CDC42BPB: variants seen among roughly 807,000 people sequenced by gnomAD.
The protein encoded by CDC42BPB is serine/threonine-protein kinase MRCK beta.
In CDC42BPB, 37 loss-of-function variants were observed where a neutral mutation model predicts 214.9. That is an observed-to-expected ratio of 0.17 (90% CI 0.13 to 0.23). CDC42BPB has a LOEUF of 0.23. Ranked by LOEUF, CDC42BPB falls within the 10% of genes least tolerant of loss-of-function variation. CDC42BPB has a pLI of 1.00. For missense variants in CDC42BPB, 1,694 were observed against 2,227.0 expected, an observed-to-expected ratio of 0.76 and a Z score of 4.82; for synonymous variants, 931 against 884.0, an observed-to-expected ratio of 1.05 and a Z score of -0.94.
At chr14:102,937,661 C>G (rs17101079) in intron 36 of CDC42BPB, among the ~76,000 whole-genome samples, 24,792 of 152,296 alleles carry the variant, frequency 0.16, 4,394 homozygotes, top group African/African-American at 0.44. Flanking sequence ...CTGCGCACAA[C>G]AGTGGCGCTT....
intron 5 of CDC42BPB, among the ~76,000 whole-genome samples, chr14:102,996,162 A>G (rs1023142500): frequency 2.0e-4 from 30 of 151,954 alleles, no homozygotes; most frequent in African/African-American, 7.0e-4. Context: ...ACACGGTGAA[A>G]CCCCATCTCT....
intron 1 of CDC42BPB, among the ~76,000 whole-genome samples, chr14:103,024,912 G>A (rs1886966909): frequency 6.6e-6 from 1 of 152,088 alleles, no homozygotes; most frequent in Admixed American, 6.6e-5. Flanking sequence ...CTTGTTATTT[G>A]TCTTTACTCC....
intron 1 of CDC42BPB, among the ~76,000 whole-genome samples, chr14:103,052,964 G>C (rs970099125): frequency 6.6e-6 from 1 of 152,232 alleles, no homozygotes; most frequent in South Asian, 2.1e-4. Context: ...TGGGTTGTCC[G>C]TATTTGTTGC....
At position 102,947,793 on chromosome 14, in the gene CDC42BPB, C is replaced by T. The variant is rs1427575276; in HGVS notation, c.3459G>A (p.Glu1153=). ...AGGCCAGGACTGAGCTCACGGAAAA[C>T]TCGTCATCTCTGGTAAGGAAGAAAC... The part of the protein sequence containing the change: ...ASQVLDLRDD[E]FSVSSVLASD... The change falls in exon 27 of 37, where the codon GAG becomes GAA. Residue 1153 remains glutamate, a synonymous_variant. Transcript: ENST00000361246. 8.7e-6 allele frequency: 14 copies of T among 1,612,458 alleles called. No homozygotes were observed. Among genetic ancestry groups the T allele is most frequent in the Non-Finnish European group, 1.2e-5 (14 of 1,179,890 alleles).
At position 102,940,094 on chromosome 14, in the gene CDC42BPB, G is replaced by C; in HGVS notation, c.4543C>G (p.Leu1515Val). The C allele has an allele frequency of 8.1e-6, 13 of 1,613,984 alleles. No individual in the cohort carries two copies. The highest frequency in any genetic ancestry group is 1.3e-5 in the African/African-American group (1 of 75,066). ...ATCAAGCGTGGAGGCTCGCAGTTGA[G>C]GAGGTTGAGGGTGCCTTCAGAGTTC... Reference protein sequence around the residue: ...PLNSEGTLNLLNCEPPRLIYF... With the variant: ...PLNSEGTLNLVNCEPPRLIYF... The change falls in exon 32 of 37, where the codon CTC becomes GTC. Residue 1515 changes from leucine (L) to valine (V), a missense_variant. Physicochemically the swap from Leu to Val is conservative, Grantham distance 32 (BLOSUM62 1). Around this residue, in one of 7 missense-constraint regions of CDC42BPB, gnomAD observed 567 missense variants for 790.3 expected, o/e 0.72. Coordinates refer to ENST00000361246, the MANE Select transcript of CDC42BPB (RefSeq NM_006035.4).
At chr14:102,971,489 C>A (rs544571523) in intron 13 of CDC42BPB, among the ~76,000 whole-genome samples, 1 of 152,308 alleles carries the variant, frequency 6.6e-6, no homozygotes, top group East Asian at 1.9e-4. Context: ...AAGGGTTTTG[C>A]CATGTTGCTC....
At position 103,032,473 on chromosome 14, in the gene CDC42BPB, A is replaced by G. The variant is rs1277611547; in HGVS notation, c.176-20285T>C. On this transcript the variant is annotated intron_variant, in intron 1 of 36. Coordinates refer to ENST00000361246, the MANE Select transcript of CDC42BPB (RefSeq NM_006035.4). ...AAATTTGTCCAGCTAGGAAAACACTAGAAACCAGTTAAAACTTTTGAACAG... is the reference window on the plus strand; with the variant it reads ...AAATTTGTCCAGCTAGGAAAACACTGGAAACCAGTTAAAACTTTTGAACAG... 5.3e-5 allele frequency among the ~76,000 whole-genome samples: 8 copies of G among 151,436 alleles called. 1 individual carries two copies. Among genetic ancestry groups the G allele is most frequent in the Admixed American group, 5.3e-4 (8 of 15,180 alleles).
At position 103,001,603 on chromosome 14, in the gene CDC42BPB, C is replaced by A. The variant is rs534502739; in HGVS notation, c.448-1890G>T. Among the ~76,000 whole-genome samples the A allele has an allele frequency of 2.1e-4, 32 of 152,314 alleles. No homozygotes were observed. Among genetic ancestry groups the A allele is most frequent in the African/African-American group, 7.2e-4 (30 of 41,568 alleles). Reference sequence around the variant, plus strand: ...GCAGTGAGTGGGTGATGTTCCCCAGCTACGTTCAGAAGCCCAGGCACCGAG... The same window carrying A: ...GCAGTGAGTGGGTGATGTTCCCCAGATACGTTCAGAAGCCCAGGCACCGAG... On this transcript the variant is annotated intron_variant, in intron 4 of 36. Coordinates refer to ENST00000361246, the MANE Select transcript of CDC42BPB (RefSeq NM_006035.4). The surrounding 1 kb of genome is among the most constrained non-coding windows in gnomAD (Gnocchi z 5.8).
chr14:102,978,056 A>G (rs1002826516), intron 9 of CDC42BPB, 70 bp downstream of exon 9: 3 of 1,200,994 alleles, frequency 2.5e-6, no homozygotes, highest in Non-Finnish European at 3.7e-6. Context: ...CCAGGGACAG[A>G]CTGTGGTGTC....
Position 102,933,835 on chromosome 14 carries a change from C to T in CDC42BPB, c.5013G>A (p.Ser1671=), listed in dbSNP as rs757553589. The change falls in exon 37 of 37, where the codon TCG becomes TCA. Residue 1671 remains serine, a synonymous_variant. Transcript: ENST00000361246. The part of the protein sequence containing the change: ...PDQDFDKEPD[S]DSTKHSTPSN... ...ATGGAGTTGAGTGTTTGGTGGAGTC[C>T]GAATCAGGCTGTGAACAGGAAGAGG... The T allele has an allele frequency of 5.9e-6, 9 of 1,519,520 alleles. No individual in the cohort carries two copies. Among genetic ancestry groups the T allele is most frequent in the East Asian group, 5.3e-5 (2 of 37,390 alleles). 94.1% of individuals were successfully genotyped at this position (1,519,520 alleles called of 1,614,324 possible).
At position 102,957,914 on chromosome 14, in the gene CDC42BPB, T is replaced by C. The variant is rs1290588165; in HGVS notation, c.2901+1717A>G. ...CCTCTGTGCGTGGAAAGGGCACAGC[T>C]CCTCCTGAGGAGAGTTTGTGCCAAA... On this transcript the variant is annotated intron_variant, in intron 21 of 36. Transcript: ENST00000361246. 1.1e-4 allele frequency among the ~76,000 whole-genome samples: 17 copies of C among 152,256 alleles called. No individual in the cohort carries two copies. The East Asian group carries it at 3.1e-3, about 28-fold the overall frequency.
intron 1 of CDC42BPB, among the ~76,000 whole-genome samples, chr14:103,028,251 T>A (rs1463796305): frequency 6.6e-6 from 1 of 152,216 alleles, no homozygotes; most frequent in Non-Finnish European, 1.5e-5. Context: ...CACGATTCAT[T>A]AATTTATTCA....
chr14:103,018,055 C>T (rs991368203), intron 1 of CDC42BPB, among the ~76,000 whole-genome samples: 6 of 152,206 alleles, frequency 3.9e-5, no homozygotes, highest in Non-Finnish European at 7.3e-5. Flanking sequence ...ATGAAACTGT[C>T]CCACCCTGGA....
intron 16 of CDC42BPB, among the ~76,000 whole-genome samples, chr14:102,967,628 T>C (rs1893272934): frequency 6.6e-6 from 1 of 152,216 alleles, no homozygotes; most frequent in Non-Finnish European, 1.5e-5. Context: ...CTGCATACCA[T>C]GTTGCTGTGC....
chr14:103,019,135 T>C (rs117234924), intron 1 of CDC42BPB, among the ~76,000 whole-genome samples: 1,821 of 152,190 alleles, frequency 0.012, 19 homozygotes, highest in Non-Finnish European at 0.02. Context: ...GGTCTTGCTG[T>C]ATTGTCCAGG....
At chr14:102,937,773 T>C (rs773469508) in intron 36 of CDC42BPB, among the ~76,000 whole-genome samples, 10 of 152,224 alleles carry the variant, frequency 6.6e-5, no homozygotes, top group Non-Finnish European at 1.0e-4. Flanking sequence ...AAGAGACTGC[T>C]GATGTATCAC....
chr14:102,959,799 T>G, intron 20 of CDC42BPB, 89 bp from the exon 21 acceptor site: 1 of 1,415,884 alleles, frequency 7.1e-7, no homozygotes, highest in East Asian at 2.7e-5. Flanking sequence ...AAGATGTCAA[T>G]TCTCCTTGAG....
At chr14:103,034,723 C>T (rs1379512995) in intron 1 of CDC42BPB, among the ~76,000 whole-genome samples, 1 of 150,184 alleles carries the variant, frequency 6.7e-6, no homozygotes, top group Non-Finnish European at 1.5e-5. Context: ...GAGGCTGAGG[C>T]AAAAGAATCC....
chr14:102,981,326 C>T (rs959463492), intron 7 of CDC42BPB: 1 of 327,270 alleles, frequency 3.1e-6, no homozygotes, highest in Non-Finnish European at 4.4e-6. Flanking sequence ...AGGCGCAGCC[C>T]CGTCAGAATG....
Sources: allele counts gnomAD v4.1 joint callset (sites outside exome capture counted in the v4.1 genomes callset), GRCh38; gene constraint gnomAD v4.1.1; regional missense constraint gnomAD v4.1.1; non-coding constraint Gnocchi (gnomAD v3.1); transcripts MANE v1.5; gene names NCBI Gene and HGNC (gene_info 2026-07-23, HGNC 2026-07-21).